ATOSA: variants seen among roughly 807,000 people sequenced by gnomAD.
ATOSA encodes the protein atos homolog A.
the ATOSA span, among the ~76,000 whole-genome samples, chr15:52,655,630 A>G: frequency 6.6e-6 from 1 of 152,138 alleles, no homozygotes; most frequent in African/African-American, 2.4e-5. Flanking sequence ...ATAAAATAGG[A>G]CAGGATAAAA....
chr15:52,622,561 C>T, the ATOSA span, among the ~76,000 whole-genome samples: 1 of 152,132 alleles, frequency 6.6e-6, no homozygotes, highest in Non-Finnish European at 1.5e-5. Context: ...AATAAACTAT[C>T]AGATGCTAAG....
the ATOSA span, among the ~76,000 whole-genome samples, chr15:52,682,207 TG>T: frequency 6.6e-6 from 1 of 152,102 alleles, no homozygotes. Context: ...ATTATACTTT[TG>T]GGGCAATGTA....
At chr15:52,587,129 T>C in the ATOSA span, 3 of 1,612,510 alleles carry the variant, frequency 1.9e-6, no homozygotes, top group South Asian at 1.1e-5. Flanking sequence ...ATTATTGCAA[T>C]TGTAGGCTAT....
the ATOSA span, among the ~76,000 whole-genome samples, chr15:52,631,796 T>A: frequency 6.6e-6 from 1 of 152,302 alleles, no homozygotes; most frequent in South Asian, 2.1e-4. Flanking sequence ...TGTTTTGAAA[T>A]TGAATAGGCA....
the ATOSA span, chr15:52,611,348 TC>T: frequency 1.3e-6 from 2 of 1,485,896 alleles, no homozygotes; most frequent in Non-Finnish European, 1.8e-6. Flanking sequence ...AACTTATCAC[TC>T]AGGATTTGTG....
the ATOSA span, among the ~76,000 whole-genome samples, chr15:52,618,254 T>C: frequency 3.7e-4 from 56 of 152,270 alleles, no homozygotes; most frequent in African/African-American, 1.3e-3. Context: ...TTAGCCAGCA[T>C]GGTCTCGATC....
chr15:52,599,315 G>A, the ATOSA span, among the ~76,000 whole-genome samples: 1 of 152,120 alleles, frequency 6.6e-6, no homozygotes, highest in African/African-American at 2.4e-5. Flanking sequence ...GAGGAATAGA[G>A]AGCTTGACAT....
chr15:52,648,454 T>C, the ATOSA span, among the ~76,000 whole-genome samples: 38 of 152,284 alleles, frequency 2.5e-4, no homozygotes, highest in East Asian at 4.8e-3. Context: ...CAAACATTTA[T>C]ATTTTCTTTG....
chr15:52,607,702 A>G, the ATOSA span, among the ~76,000 whole-genome samples: 2 of 152,210 alleles, frequency 1.3e-5, no homozygotes, highest in African/African-American at 4.8e-5. Flanking sequence ...ATTACTTTCA[A>G]TGGCAAAAAC....
the ATOSA span, among the ~76,000 whole-genome samples, chr15:52,671,759 GAAC>G: frequency 6.6e-6 from 1 of 151,768 alleles, no homozygotes; most frequent in Non-Finnish European, 1.5e-5. Flanking sequence ...TATAACAAAA[GAAC>G]AACAAGGAGA....
chr15:52,688,439 C>A, the ATOSA span, among the ~76,000 whole-genome samples: 1 of 152,106 alleles, frequency 6.6e-6, no homozygotes, highest in Non-Finnish European at 1.5e-5. Context: ...AGTGATAGAA[C>A]TCTGGTGGTG....
the ATOSA span, among the ~76,000 whole-genome samples, chr15:52,659,980 T>G: frequency 6.6e-6 from 1 of 152,232 alleles, no homozygotes; most frequent in South Asian, 2.1e-4. Flanking sequence ...GATCATCCTA[T>G]GTAGCATTTA....
chr15:52,627,876 T>C, the ATOSA span, among the ~76,000 whole-genome samples: 1 of 152,186 alleles, frequency 6.6e-6, no homozygotes, highest in Non-Finnish European at 1.5e-5. Flanking sequence ...TGCCATCTGA[T>C]TGTGTCTTCA....
chr15:52,708,865 A>G, the ATOSA span, among the ~76,000 whole-genome samples: 1 of 152,154 alleles, frequency 6.6e-6, no homozygotes, highest in African/African-American at 2.4e-5. Flanking sequence ...CTTTACTAGC[A>G]CACTGTGGGA....
the ATOSA span, among the ~76,000 whole-genome samples, chr15:52,585,591 T>C: frequency 6.6e-6 from 1 of 152,190 alleles, no homozygotes; most frequent in African/African-American, 2.4e-5. Flanking sequence ...TACTCATACA[T>C]GGAATCATTT....
At chr15:52,672,364 A>C in the ATOSA span, among the ~76,000 whole-genome samples, 1 of 151,786 alleles carries the variant, frequency 6.6e-6, no homozygotes, top group Non-Finnish European at 1.5e-5. Flanking sequence ...AAAGAAAAAG[A>C]AAAAGTCTAA....
the ATOSA span, among the ~76,000 whole-genome samples, chr15:52,665,906 T>G: frequency 6.6e-6 from 1 of 152,098 alleles, no homozygotes; most frequent in South Asian, 2.1e-4. Flanking sequence ...GGAAGAATAT[T>G]TAATGACATG....
the ATOSA span, among the ~76,000 whole-genome samples, chr15:52,700,738 G>C: frequency 6.6e-6 from 1 of 152,110 alleles, no homozygotes; most frequent in Non-Finnish European, 1.5e-5. Flanking sequence ...TCCTTTATTG[G>C]AAAGCAAGCA....
At chr15:52,683,783 C>T in the ATOSA span, among the ~76,000 whole-genome samples, 2 of 152,180 alleles carry the variant, frequency 1.3e-5, no homozygotes, top group African/African-American at 4.8e-5. Context: ...CGTTCTTACC[C>T]ACTATCTGTT....
Sources: gnomAD v4.1 joint callset for allele counts (sites outside exome capture counted in the v4.1 genomes callset) on GRCh38, gnomAD v4.1.1 for gene constraint, MANE v1.5 for transcripts, NCBI Gene and HGNC (gene_info 2026-07-23, HGNC 2026-07-21) for gene names.